RANBP17: variants seen among roughly 807,000 people sequenced by gnomAD.
The protein encoded by RANBP17 is ran-binding protein 17.
RANBP17 carries 158 observed loss-of-function variants against 141.2 expected under a neutral mutation model. The ratio of observed to expected loss-of-function variants is 1.12; its 90% CI spans 0.98 to 1.28. The LOEUF (loss-of-function observed/expected upper bound fraction) is 1.28. Among genes scored for constraint, RANBP17 ranks in the 50% most tolerant of loss-of-function variants. The pLI is 0.00. For synonymous variants in RANBP17, 430 were observed against 450.0 expected (o/e 0.96, Z 0.56); for missense variants, 1,438 against 1,290.7 (o/e 1.11, Z -1.75).
At chr5:170,960,108 G>C (rs1776025020) in intron 13 of RANBP17, among the ~76,000 whole-genome samples, 1 of 152,110 alleles carries the variant, frequency 6.6e-6, no homozygotes, top group Non-Finnish European at 1.5e-5. Context: ...TGTTCTACTA[G>C]AGTAAGGGAA....
chr5:171,065,901 C>T (rs932788905), intron 14 of RANBP17, among the ~76,000 whole-genome samples: 2 of 151,776 alleles, frequency 1.3e-5, no homozygotes, highest in Non-Finnish European at 2.9e-5. Flanking sequence ...CACTCTGTCG[C>T]CCAGATTGAA....
At chr5:171,077,272 C>T (rs543435560) in intron 14 of RANBP17, among the ~76,000 whole-genome samples, 16 of 151,534 alleles carry the variant, frequency 1.1e-4, no homozygotes, top group East Asian at 9.8e-4. Flanking sequence ...CCCGGTAGGC[C>T]GAGCTTGAAG....
chr5:171,221,712 G>A (rs373740052), intron 21 of RANBP17, 46 bp from the exon 22 acceptor site: 4 of 1,082,152 alleles, frequency 3.7e-6, no homozygotes, highest in Non-Finnish European at 5.7e-6. Flanking sequence ...TCTGTGTTTG[G>A]TTTCTTTATC....
intron 14 of RANBP17, among the ~76,000 whole-genome samples, chr5:171,047,995 A>G (rs1319340709): frequency 6.6e-6 from 1 of 152,182 alleles, no homozygotes; most frequent in East Asian, 1.9e-4. Flanking sequence ...ATAGAATTTT[A>G]TACAAGTCTT....
chr5:171,036,523 G>C (rs1361800624), intron 14 of RANBP17, among the ~76,000 whole-genome samples: 1 of 152,158 alleles, frequency 6.6e-6, no homozygotes, highest in Admixed American at 6.5e-5. Flanking sequence ...GCATGATGCT[G>C]AGGTTTGGAG....
intron 20 of RANBP17, among the ~76,000 whole-genome samples, chr5:171,208,119 A>G (rs993132409): frequency 6.6e-6 from 1 of 152,236 alleles, no homozygotes; most frequent in African/African-American, 2.4e-5. Flanking sequence ...TTGTTATACA[A>G]TCCTTAGCAT....
intron 14 of RANBP17, among the ~76,000 whole-genome samples, chr5:171,101,068 T>C (rs1305334247): frequency 6.6e-6 from 1 of 152,230 alleles, no homozygotes; most frequent in Non-Finnish European, 1.5e-5. Flanking sequence ...GAGAAGAATG[T>C]ATATTCTGTT....
intron 14 of RANBP17, among the ~76,000 whole-genome samples, chr5:171,055,314 A>G (rs1376224443): frequency 6.6e-6 from 1 of 152,176 alleles, no homozygotes; most frequent in East Asian, 1.9e-4. Context: ...AATTGCAGGA[A>G]AAAAACATCA....
At chr5:171,147,289 AC>A (rs545456811) in intron 14 of RANBP17, among the ~76,000 whole-genome samples, 61 of 151,484 alleles carry the variant, frequency 4.0e-4, no homozygotes, top group Admixed American at 1.6e-3. Flanking sequence ...CTAAAAAAAA[AC>A]ATGGAAGAAA....
chr5:171,005,723 C>G (rs983134876), intron 14 of RANBP17, among the ~76,000 whole-genome samples: 9 of 152,154 alleles, frequency 5.9e-5, no homozygotes, highest in Non-Finnish European at 1.2e-4. Flanking sequence ...GCAATGGCAA[C>G]AAAAGCCAGA....
chr5:171,036,867 C>A (rs923588785), intron 14 of RANBP17, among the ~76,000 whole-genome samples: 3 of 152,130 alleles, frequency 2.0e-5, no homozygotes, highest in African/African-American at 4.8e-5. Flanking sequence ...GATTCCACAT[C>A]ATTGCTATTG....
At chr5:171,016,957 T>C (rs952690136) in intron 14 of RANBP17, among the ~76,000 whole-genome samples, 2 of 132,410 alleles carry the variant, frequency 1.5e-5, no homozygotes, top group African/African-American at 5.7e-5. Context: ...TATGTGTCCA[T>C]GTTTTCTCAT....
intron 24 of RANBP17, among the ~76,000 whole-genome samples, chr5:171,244,503 G>T (rs1453060010): frequency 6.6e-6 from 1 of 152,106 alleles, no homozygotes; most frequent in African/African-American, 2.4e-5. Context: ...CTGGAGTGCA[G>T]TGATGCAATC....
At chr5:171,190,847 G>C (rs1047604551) in intron 18 of RANBP17, among the ~76,000 whole-genome samples, 1 of 152,162 alleles carries the variant, frequency 6.6e-6, no homozygotes, top group African/African-American at 2.4e-5. Flanking sequence ...TGCAAATTAA[G>C]TTTTTACCAG....
At chr5:170,966,957 T>G (rs11134671) in intron 13 of RANBP17, among the ~76,000 whole-genome samples, 101,945 of 151,852 alleles carry the variant, frequency 0.67, 34,506 homozygotes, top group South Asian at 0.9. Context: ...GCTTCAAAGA[T>G]AATAAAATAC....
intron 20 of RANBP17, chr5:171,207,898 C>T (rs1762671897): frequency 6.6e-6 from 1 of 152,118 alleles, no homozygotes; most frequent in South Asian, 2.1e-4. Flanking sequence ...TTTTGAAATA[C>T]TTTAAGCAGT....
intron 14 of RANBP17, among the ~76,000 whole-genome samples, chr5:170,986,123 T>C (rs1351026020): frequency 6.6e-6 from 1 of 152,088 alleles, no homozygotes; most frequent in Non-Finnish European, 1.5e-5. Context: ...TAGCTTCATC[T>C]TTCATTCTCA....
chr5:170,932,014 T>G (rs868406564), intron 12 of RANBP17, among the ~76,000 whole-genome samples: 2 of 152,172 alleles, frequency 1.3e-5, no homozygotes, highest in Non-Finnish European at 2.9e-5. Flanking sequence ...GCCATTTTCA[T>G]GATATTGATT....
At chr5:171,185,205 A>G (rs1017571382) in intron 18 of RANBP17, among the ~76,000 whole-genome samples, 1 of 152,190 alleles carries the variant, frequency 6.6e-6, no homozygotes, top group African/African-American at 2.4e-5. Context: ...TTGCTAAAAA[A>G]TTCTAGCAAA....
Sources: allele counts gnomAD v4.1 joint callset (sites outside exome capture counted in the v4.1 genomes callset), GRCh38; gene constraint gnomAD v4.1.1; transcripts MANE v1.5; gene names NCBI Gene and HGNC (gene_info 2026-07-23, HGNC 2026-07-21).